TCF12: variants seen among roughly 807,000 people sequenced by gnomAD.
TCF12 encodes DNA-binding protein HTF4.
TCF12 carries 45 observed loss-of-function variants against 86.0 expected under a neutral mutation model. That is an observed-to-expected ratio of 0.52 (90% CI 0.41 to 0.67). The LOEUF (loss-of-function observed/expected upper bound fraction) is 0.67. Ranked by LOEUF, TCF12 falls within the 30% of genes least tolerant of loss-of-function variation. The probability of loss-of-function intolerance (pLI) is 0.00; values close to 1 mark genes in which losing one functional copy is unlikely to be tolerated. For synonymous variants in TCF12, 330 were observed against 299.6 expected (o/e 1.10, Z -1.05); for missense variants, 881 against 859.9 (o/e 1.02, Z -0.31).
rs778533311 is a variant in TCF12 at position 57,157,123 on chromosome 15, T to C, written c.326-9279T>C. 2.2e-4 allele frequency among the ~76,000 whole-genome samples: 34 copies of C among 152,200 alleles called. No individual in the cohort carries two copies. The East Asian group carries it at 2.5e-3, about 11-fold the overall frequency. ...TTTGTTTTGGAGTAAGTGGAGTAAA[T>C]AGGGTTAAGGCATTGAATGATTATC... On this transcript the variant is annotated intron_variant, in intron 5 of 20. Transcript: ENST00000333725.
chr15:57,051,288 G>C (rs1596305634), intron 3 of TCF12, among the ~76,000 whole-genome samples: 2 of 152,194 alleles, frequency 1.3e-5, no homozygotes, highest in East Asian at 3.9e-4. Context: ...CGTTCCACCT[G>C]TTGCTTTTAG....
In TCF12 at chr15:56,945,399, C is replaced by T. The variant is rs539298950; in HGVS notation, c.148+24301C>T. ...CATCTTGTCTCATTTTCCTTCTGCC[C>T]GAAGAATTTTCTTTACATTTTTTAT... On this transcript the variant is annotated intron_variant, in intron 3 of 20. Transcript: ENST00000333725. Among the ~76,000 whole-genome samples the T allele has an allele frequency of 7.2e-5, 11 of 151,942 alleles. No individual in the cohort carries two copies. In the South Asian group the frequency reaches 8.3e-4, roughly 11 times the overall value.
rs1386750472 is a variant in TCF12 at position 57,124,739 on chromosome 15, G to C, written c.325+32848G>C. On this transcript the variant is annotated intron_variant, in intron 5 of 20. Transcript: ENST00000333725. ...GTTGCCCAGGCTGGAGTGCAGTGACGCGATCTCGGCTCACTGCAAGCTCCG... is the reference window on the plus strand; with the variant it reads ...GTTGCCCAGGCTGGAGTGCAGTGACCCGATCTCGGCTCACTGCAAGCTCCG... Among the ~76,000 whole-genome samples, 4 of 151,670 alleles carry C rather than the reference G, an allele frequency of 2.6e-5. No homozygotes were observed. The East Asian group carries it at 7.8e-4, about 29-fold the overall frequency.
intron 3 of TCF12, among the ~76,000 whole-genome samples, chr15:56,953,628 C>G (rs1488343412): frequency 6.6e-6 from 1 of 151,962 alleles, no homozygotes; most frequent in East Asian, 1.9e-4. Context: ...TTTAGATAAT[C>G]TGTTTCTTCT....
At chr15:57,165,490 G>T (rs1469621895) in intron 5 of TCF12, among the ~76,000 whole-genome samples, 2 of 151,788 alleles carry the variant, frequency 1.3e-5, no homozygotes, top group Non-Finnish European at 2.9e-5. Context: ...TCATTATTAT[G>T]ATAATGGTTA....
At chr15:56,923,853 A>T (rs775467417) in intron 3 of TCF12, among the ~76,000 whole-genome samples, 2 of 152,052 alleles carry the variant, frequency 1.3e-5, no homozygotes, top group Non-Finnish European at 2.9e-5. Context: ...CTAGAATGTC[A>T]TTTTAACTAT....
In TCF12 at chr15:57,263,249, A is replaced by C. The variant is rs1057518720; in HGVS notation, c.1720A>C (p.Lys574Gln). The change falls in exon 18 of 21, where the codon AAG (lysine) becomes CAG (glutamine). Residue 574 changes from lysine (K) to glutamine (Q), a missense_variant. Around this residue, in one of 3 missense-constraint regions of TCF12, gnomAD observed 766 missense variants for 718.9 expected, o/e 1.07. Transcript: ENST00000333725. ...SDDESSQKDIKVSSRGRTSST... is the reference protein window; with the variant it reads ...SDDESSQKDIQVSSRGRTSST... ...TGATGAATCCTCCCAAAAAGATATCAAGGTTTCATCTAGAGGCAGAACAAG... is the reference window on the plus strand; with the variant it reads ...TGATGAATCCTCCCAAAAAGATATCCAGGTTTCATCTAGAGGCAGAACAAG... 9 of 1,610,868 alleles carry C rather than the reference A, an allele frequency of 5.6e-6. No homozygotes were observed. The highest frequency in any genetic ancestry group is 1.7e-5 in the Admixed American group (1 of 59,184).
At chr15:57,159,908 A>G (rs1344003482) in intron 5 of TCF12, among the ~76,000 whole-genome samples, 4 of 152,262 alleles carry the variant, frequency 2.6e-5, no homozygotes, top group African/African-American at 9.6e-5. Flanking sequence ...ATTGAAACTA[A>G]TAAACTTGTC....
intron 5 of TCF12, among the ~76,000 whole-genome samples, chr15:57,139,874 G>GT (rs1405187075): frequency 2.6e-5 from 4 of 152,182 alleles, no homozygotes; most frequent in African/African-American, 9.6e-5. Context: ...AAAAGAGACA[G>GT]TAAACTTCAT....
Position 57,145,487 on chromosome 15 carries a change from A to G in TCF12, c.326-20915A>G, listed in dbSNP as rs2053292640. 4.8e-5 allele frequency among the ~76,000 whole-genome samples: 7 copies of G among 146,044 alleles called. No homozygotes were observed. In the South Asian group the frequency reaches 1.5e-3, roughly 31 times the overall value. ...ACAGTAAATGTAGTTTGAAATATGT[A>G]AAAAAAAAATGTGTACTAGGGATCA... On this transcript the variant is annotated intron_variant, in intron 5 of 20. Transcript: ENST00000333725.
intron 3 of TCF12, among the ~76,000 whole-genome samples, chr15:57,043,138 A>G (rs1742247043): frequency 6.6e-6 from 1 of 151,686 alleles, no homozygotes; most frequent in Non-Finnish European, 1.5e-5. Context: ...CATTTTCTTT[A>G]TTTTTTTCAT....
At chr15:57,164,687 TG>T (rs2054744317) in intron 5 of TCF12, among the ~76,000 whole-genome samples, 1 of 152,148 alleles carries the variant, frequency 6.6e-6, no homozygotes, top group Non-Finnish European at 1.5e-5. Context: ...TTTTCTTTTT[TG>T]TTTTTTGTTT....
chr15:57,088,582 TG>T (rs1197942221), intron 4 of TCF12, among the ~76,000 whole-genome samples: 2 of 151,848 alleles, frequency 1.3e-5, no homozygotes, highest in African/African-American at 4.8e-5. Context: ...ATGGTTTCAG[TG>T]GGGGGTGCCT....
intron 3 of TCF12, among the ~76,000 whole-genome samples, chr15:56,961,020 A>G (rs1230879199): frequency 2.0e-5 from 3 of 151,320 alleles, no homozygotes; most frequent in Non-Finnish European, 4.4e-5. Flanking sequence ...GGCACCTGTA[A>G]TCCCTGCTAC....
chr15:57,196,799 A>G (rs1346447259), intron 7 of TCF12, among the ~76,000 whole-genome samples: 1 of 152,196 alleles, frequency 6.6e-6, no homozygotes, highest in Non-Finnish European at 1.5e-5. Context: ...TTGTACAGTA[A>G]TTAATGCTGT....
chr15:57,251,593 C>T lies in TCF12; in HGVS notation c.1188+170C>T, dbSNP rs184291640. Among the ~76,000 whole-genome samples the T allele has an allele frequency of 2.5e-4, 38 of 152,246 alleles. No individual in the cohort carries two copies. In the East Asian group the frequency reaches 7.3e-3, roughly 29 times the overall value. ...AAGACACATTGGGTATGCCTTTTGC[C>T]ATCTGTTCTTTGGGACATCAGGCTT... On this transcript the variant is annotated intron_variant, in intron 14 of 20. Coordinates refer to ENST00000333725, the MANE Select transcript of TCF12 (RefSeq NM_207037.2).
intron 3 of TCF12, among the ~76,000 whole-genome samples, chr15:56,948,623 C>T (rs1217035296): frequency 6.6e-6 from 1 of 152,098 alleles, no homozygotes; most frequent in African/African-American, 2.4e-5. Flanking sequence ...GAAAACAAAC[C>T]AGTGATCTCA....
At chr15:57,180,119 G>A (rs562408258) in intron 6 of TCF12, among the ~76,000 whole-genome samples, 30 of 152,170 alleles carry the variant, frequency 2.0e-4, no homozygotes, top group Non-Finnish European at 2.9e-5. Context: ...TACAAATGGC[G>A]ATATTTTCCA....
chr15:57,253,611 A>C (rs2060216666), intron 16 of TCF12, 143 bp downstream of exon 16: 1 of 914,030 alleles, frequency 1.1e-6, no homozygotes, highest in Admixed American at 2.5e-5. Context: ...CTTTGGCAGT[A>C]AAGTATTGGC....
Sources: allele counts gnomAD v4.1 joint callset (sites outside exome capture counted in the v4.1 genomes callset), GRCh38; gene constraint gnomAD v4.1.1; regional missense constraint gnomAD v4.1.1; transcripts MANE v1.5; gene names NCBI Gene and HGNC (gene_info 2026-07-23, HGNC 2026-07-21).